The following PPARA variants were observed in gnomAD, a reference collection of about 807,000 sequenced individuals.
The protein encoded by PPARA is peroxisome proliferator-activated receptor alpha.
In PPARA, 22 loss-of-function variants were observed where a neutral mutation model predicts 42.2. The observed-to-expected ratio is 0.52, with a 90% CI of 0.37 to 0.74. The LOEUF is 0.74. PPARA is among the 30% of genes least tolerant of loss of function. PPARA has a pLI of 0.00. For missense variants in PPARA, 465 were observed against 608.2 expected, an observed-to-expected ratio of 0.76 and a Z score of 2.48; for synonymous variants, 242 against 239.3, an observed-to-expected ratio of 1.01 and a Z score of -0.10.
intron 2 of PPARA, among the ~76,000 whole-genome samples, chr22:46,169,692 G>A (rs1396278295): frequency 6.6e-6 from 1 of 151,930 alleles, no homozygotes; most frequent in East Asian, 1.9e-4. Context: ...TCTATATCTA[G>A]GAATAAATCT....
intron 3 of PPARA, 79 bp downstream of exon 3, chr22:46,176,915 A>G: frequency 6.6e-6 from 1 of 152,252 alleles, no homozygotes; most frequent in East Asian, 1.9e-4. Context: ...GAGCACTTTT[A>G]AAAAGAATCT....
In PPARA at chr22:46,216,479, G is replaced by A. The variant is rs1395519336; in HGVS notation, c.369+1146G>A. ...AGAGCTGTTACCGTTGATCTCTGGAGCCTCCCTGAAGGCCAGGTGGGGCAG... is the reference window on the plus strand; with the variant it reads ...AGAGCTGTTACCGTTGATCTCTGGAACCTCCCTGAAGGCCAGGTGGGGCAG... On this transcript the variant is annotated intron_variant, in intron 5 of 8. Transcript: ENST00000407236. This position sits in a 1 kb window ranked among gnomAD's most constrained non-coding sequence, Gnocchi z 4.5. Among the ~76,000 whole-genome samples, 1 of 152,128 alleles carries A rather than the reference G, an allele frequency of 6.6e-6. No homozygotes were observed. Among genetic ancestry groups the A allele is most frequent in the Admixed American group, 6.5e-5 (1 of 15,270 alleles).
rs1930277643 is a variant in PPARA at position 46,183,677 on chromosome 22, T to C, written c.-43+6841T>C. Among the ~76,000 whole-genome samples the C allele has an allele frequency of 6.6e-6, 1 of 152,124 alleles. No homozygotes were observed. Among genetic ancestry groups the C allele is most frequent in the Non-Finnish European group, 1.5e-5 (1 of 68,020 alleles). ...GGATCACTTGAGCCTGGGAGGTCGA[T>C]ATTGCAGTGAGCTGTAATTGCACCA... On this transcript the variant is annotated intron_variant, in intron 3 of 8. Coordinates refer to ENST00000407236, the MANE Select transcript of PPARA (RefSeq NM_005036.6). The surrounding 1 kb of genome is among the most constrained non-coding windows in gnomAD (Gnocchi z 5.5).
chr22:46,185,894 C>CAAAAAAAAAAAAAAAAAAAA lies in PPARA; in HGVS notation c.-43+9058_-43+9059insAAAAAAAAAAAAAAAAAAAA, dbSNP rs1279499029. Among the ~76,000 whole-genome samples, 21 of 20,854 alleles carry CAAAAAAAAAAAAAAAAAAAA rather than the reference C, an allele frequency of 1.0e-3. 3 individuals carry two copies. The East Asian group carries it at 0.013, about 13-fold the overall frequency. The allele number at this position is 20,854 out of a possible 152,430, so 13.7% of individuals were successfully genotyped here. Reference sequence around the variant, plus strand: ...TGGGTGACAAAGTGAGACTCCGTCTCCAAAAAAAAAAAAAAAAAAAAAATA... The same window carrying CAAAAAAAAAAAAAAAAAAAA: ...TGGGTGACAAAGTGAGACTCCGTCTCAAAAAAAAAAAAAAAAAAAACAAAAAAAAAAAAAAAAAAAAAATA... On this transcript the variant is annotated intron_variant, in intron 3 of 8. Transcript: ENST00000407236.
rs761639869 is a variant in PPARA, at chr22:46,232,091, G to A, written c.1011G>A (p.Gly337=). ...GGATGCTGGTAGCGTATGGAAATGGGTTTATAACTCGTGAATTCCTAAAAA... is the reference window on the plus strand; with the variant it reads ...GGATGCTGGTAGCGTATGGAAATGGATTTATAACTCGTGAATTCCTAAAAA... ...KDGMLVAYGN[G]FITREFLKSL... is the part of the protein sequence containing the mutation. The change falls in exon 8 of 9, where the codon GGG becomes GGA. Residue 337 remains glycine, a synonymous_variant. Coordinates refer to ENST00000407236, the MANE Select transcript of PPARA (RefSeq NM_005036.6). This position sits in a 1 kb window ranked among gnomAD's most constrained non-coding sequence, Gnocchi z 5.3. 6 of 1,614,088 alleles carry A rather than the reference G, an allele frequency of 3.7e-6. No individual in the cohort carries two copies. The Admixed American group carries it at 5.0e-5, about 13-fold the overall frequency.
intron 7 of PPARA, among the ~76,000 whole-genome samples, chr22:46,229,106 CAA>C (rs533415499): frequency 0.13 from 16,909 of 129,412 alleles, 1,745 homozygotes; most frequent in African/African-American, 0.29. Flanking sequence ...GACTCCATCT[CAA>C]AAAAAAAAAA....
In PPARA at chr22:46,227,568, C is replaced by G. The variant is rs928472707; in HGVS notation, c.712-4224C>G. Among the ~76,000 whole-genome samples the G allele has an allele frequency of 1.5e-4, 23 of 152,062 alleles. No homozygotes were observed. Among genetic ancestry groups the G allele is most frequent in the African/African-American group, 5.6e-4 (23 of 41,406 alleles). On this transcript the variant is annotated intron_variant, in intron 7 of 8. Transcript: ENST00000407236. This position sits in a 1 kb window ranked among gnomAD's most constrained non-coding sequence, Gnocchi z 4.3. ...CGCCTGGTCCACATTTAATTTTTTG[C>G]AAAAAGATGACAGCTGCTAACAGAG...
In PPARA at chr22:46,195,245, C is replaced by T. The variant is rs1262790342; in HGVS notation, c.-42-3097C>T. Among the ~76,000 whole-genome samples the T allele has an allele frequency of 6.6e-6, 1 of 152,132 alleles. No individual in the cohort carries two copies. Among genetic ancestry groups the T allele is most frequent in the Non-Finnish European group, 1.5e-5 (1 of 68,022 alleles). ...ATTGGGATGAACCTCATGGTTAATACAGTTAGTTAGTGACTGCAACTTTTG... is the reference window on the plus strand; with the variant it reads ...ATTGGGATGAACCTCATGGTTAATATAGTTAGTTAGTGACTGCAACTTTTG... On this transcript the variant is annotated intron_variant, in intron 3 of 8. Transcript: ENST00000407236. The surrounding 1 kb of genome is among the most constrained non-coding windows in gnomAD (Gnocchi z 4.6).
rs764481657 is a variant in PPARA, at chr22:46,160,923, C to T, written c.-127+8953C>T. Among the ~76,000 whole-genome samples, 1 of 152,150 alleles carries T rather than the reference C, an allele frequency of 6.6e-6. No homozygotes were observed. On this transcript the variant is annotated intron_variant, in intron 2 of 8. Transcript: ENST00000407236. This position sits in a 1 kb window ranked among gnomAD's most constrained non-coding sequence, Gnocchi z 4.5. ...AGTATTTTTCTTTCACTCTGGAAAC[C>T]AAAAATTATTGGCTTTTTTTCCTGT...
intron 3 of PPARA, among the ~76,000 whole-genome samples, chr22:46,185,894 C>CAAAAAAAAAAAAAAAAAAAAAAAAA (rs1279499029): frequency 2.9e-4 from 6 of 20,862 alleles, no homozygotes; most frequent in East Asian, 2.7e-3. Flanking sequence ...GACTCCGTCT[C>CAAAAAAAAAAAAAAAAAAAAAAAAA]CAAAAAAAAA....
At chr22:46,152,992 A>G (rs1224244839) in intron 2 of PPARA, among the ~76,000 whole-genome samples, 1 of 152,238 alleles carries the variant, frequency 6.6e-6, no homozygotes, top group Non-Finnish European at 1.5e-5. Flanking sequence ...AAACTGAGGC[A>G]GGAGAATCGC....
Position 46,203,839 on chromosome 22 carries a change from T to G in PPARA, c.208+5248T>G, listed in dbSNP as rs1932985507. ...CGGGCCTGTCCAGACAAGGGAACCC[T>G]GGGCAGGTTCCCTCATCTACACAAA... On this transcript the variant is annotated intron_variant, in intron 4 of 8. Transcript: ENST00000407236. This position sits in a 1 kb window ranked among gnomAD's most constrained non-coding sequence, Gnocchi z 5.8. Among the ~76,000 whole-genome samples, 1 of 151,390 alleles carries G rather than the reference T, an allele frequency of 6.6e-6. No homozygotes were observed. The highest frequency in any genetic ancestry group is 6.6e-5 in the Admixed American group (1 of 15,224).
In PPARA at chr22:46,216,382, T is replaced by TAAAA. The variant is rs1934491326; in HGVS notation, c.369+1049_369+1050insAAAA. On this transcript the variant is annotated intron_variant, in intron 5 of 8. Transcript: ENST00000407236. This position sits in a 1 kb window ranked among gnomAD's most constrained non-coding sequence, Gnocchi z 4.5. The stretch of plus-strand genomic sequence containing the variant: ...TAGGCGACAAGAGTAAAACTTCATC[T>TAAAA]CAAAAAAAAAAAAAAGAGAGAAAAG... 8.9e-6 allele frequency among the ~76,000 whole-genome samples: 1 copy of TAAAA among 112,530 alleles called. No individual in the cohort carries two copies. Among genetic ancestry groups the TAAAA allele is most frequent in the Admixed American group, 8.5e-5 (1 of 11,736 alleles). The allele number at this position is 112,530 out of a possible 152,430, so 73.8% of individuals were successfully genotyped here. A position where few individuals can be genotyped will look rare whatever the true frequency, so the allele number is the denominator to read the frequency against.
At chr22:46,186,094 C>G (rs1210000045) in intron 3 of PPARA, among the ~76,000 whole-genome samples, 3 of 150,462 alleles carry the variant, frequency 2.0e-5, no homozygotes, top group African/African-American at 7.3e-5. Context: ...AGGGAAAGGG[C>G]CTTTTCTCTT....
chr22:46,240,389 C>G lies in PPARA; in HGVS notation c.*5009C>G. ...GCAGCCTCCCTGTTGTTTCTAGACT[C>G]TTGCACCTGGTGAGTGCAAGGATAG... On this transcript the variant is annotated 3_prime_UTR_variant, in exon 9 of 9. Coordinates refer to ENST00000407236, the MANE Select transcript of PPARA (RefSeq NM_005036.6). This position sits in a 1 kb window ranked among gnomAD's most constrained non-coding sequence, Gnocchi z 6.0. 2 of 396,648 alleles carry G rather than the reference C, an allele frequency of 5.0e-6. No individual in the cohort carries two copies. The highest frequency in any genetic ancestry group is 8.9e-6 in the Non-Finnish European group (2 of 225,298). The allele number at this position is 396,648 out of a possible 1,614,324, so 24.6% of individuals were successfully genotyped here.
At position 46,204,850 on chromosome 22, in the gene PPARA, G is replaced by A. The variant is rs967618410; in HGVS notation, c.208+6259G>A. On this transcript the variant is annotated intron_variant, in intron 4 of 8. Transcript: ENST00000407236. This position sits in a 1 kb window ranked among gnomAD's most constrained non-coding sequence, Gnocchi z 5.2. ...CTGATAGTATCTTAAAAAAAAAAAA[G>A]AAAAAAGATTGTTTTGTTTGTTTTG... is the stretch of plus-strand genomic sequence containing the variant. Among the ~76,000 whole-genome samples, 4 of 150,198 alleles carry A rather than the reference G, an allele frequency of 2.7e-5. No homozygotes were observed. The highest frequency in any genetic ancestry group is 9.9e-5 in the African/African-American group (4 of 40,520).
At chr22:46,198,027 C>T (rs1478932147) in intron 3 of PPARA, among the ~76,000 whole-genome samples, 7 of 150,688 alleles carry the variant, frequency 4.6e-5, no homozygotes, top group East Asian at 3.9e-4. Flanking sequence ...CTCAGGAGAT[C>T]GAGACCACCC....
chr22:46,218,812 C>T (rs1370704360), intron 6 of PPARA, among the ~76,000 whole-genome samples: 4 of 135,806 alleles, frequency 2.9e-5, no homozygotes, highest in African/African-American at 8.4e-5. Context: ...CCAGCCTGGG[C>T]GACAGAGGGA....
Position 46,232,121 on chromosome 22 carries a change from A to G in PPARA, c.1041A>G (p.Leu347=), listed in dbSNP as rs765925796. The change falls in exon 8 of 9, where the codon CTA becomes CTG. Residue 347 remains leucine, a synonymous_variant. Transcript: ENST00000407236. The surrounding 1 kb of genome is among the most constrained non-coding windows in gnomAD (Gnocchi z 5.3). ...TAACTCGTGAATTCCTAAAAAGCCT[A>G]AGGAAACCGTTCTGTGATATCATGG... ...GFITREFLKS[L]RKPFCDIMEP... is the part of the protein sequence containing the mutation. The G allele has an allele frequency of 9.3e-6, 15 of 1,614,120 alleles. No individual in the cohort carries two copies. In the Admixed American group the frequency reaches 1.2e-4, roughly 13 times the overall value.
Sources: allele counts gnomAD v4.1 joint callset (sites outside exome capture counted in the v4.1 genomes callset), GRCh38; gene constraint gnomAD v4.1.1; non-coding constraint Gnocchi (gnomAD v3.1); transcripts MANE v1.5; gene names NCBI Gene and HGNC (gene_info 2026-07-23, HGNC 2026-07-21).